PHF14: variants seen among roughly 807,000 people sequenced by gnomAD.
PHF14 encodes the protein PHD finger protein 14.
Under a neutral mutation model 117.9 loss-of-function variants are expected in PHF14, and 55 were observed. The ratio of observed to expected loss-of-function variants is 0.47; its 90% confidence interval spans 0.38 to 0.58. The LOEUF is 0.58. Ranked by LOEUF, PHF14 falls within the 20% of genes least tolerant of loss-of-function variation. PHF14 has a pLI of 0.00. For missense variants in PHF14, 978 were observed against 1,122.2 expected, an observed-to-expected ratio of 0.87 and a Z score of 1.84; for synonymous variants, 409 against 368.6, an observed-to-expected ratio of 1.11 and a Z score of -1.26.
intron 4 of PHF14, among the ~76,000 whole-genome samples, chr7:10,997,075 A>T (rs1782679233): frequency 6.6e-6 from 1 of 152,202 alleles, no homozygotes; most frequent in African/African-American, 2.4e-5. Context: ...TGCCTCAAGA[A>T]TATTAGATAC....
intron 4 of PHF14, among the ~76,000 whole-genome samples, chr7:11,002,813 A>G (rs113964954): frequency 0.016 from 2,375 of 152,228 alleles, 48 homozygotes; most frequent in African/African-American, 0.055. Context: ...GCAAAAATGA[A>G]ATGCTGATGA....
At chr7:11,128,712 A>G (rs1180443678) in intron 17 of PHF14, among the ~76,000 whole-genome samples, 1 of 132,738 alleles carries the variant, frequency 7.5e-6, no homozygotes, top group Non-Finnish European at 1.6e-5. Flanking sequence ...CCCCGCCCCC[A>G]CTGCTTTCCT....
At chr7:11,073,701 G>A (rs868009575) in intron 16 of PHF14, among the ~76,000 whole-genome samples, 2 of 152,310 alleles carry the variant, frequency 1.3e-5, no homozygotes, top group East Asian at 1.9e-4. Flanking sequence ...TTTCCCTTCC[G>A]CACTGCACTA....
At chr7:11,157,914 A>G (rs201535136) in intron 17 of PHF14, among the ~76,000 whole-genome samples, 1 of 152,310 alleles carries the variant, frequency 6.6e-6, no homozygotes, top group East Asian at 1.9e-4. Context: ...GTACTTCTAA[A>G]TCATCTAACA....
chr7:11,034,631 A>T (rs1784250977), intron 7 of PHF14, among the ~76,000 whole-genome samples: 1 of 141,432 alleles, frequency 7.1e-6, no homozygotes, highest in South Asian at 2.2e-4. Context: ...TAATTACAAC[A>T]TCTCCCTCCT....
At chr7:11,012,613 T>C (rs1223799205) in intron 4 of PHF14, among the ~76,000 whole-genome samples, 1 of 152,234 alleles carries the variant, frequency 6.6e-6, no homozygotes, top group African/African-American at 2.4e-5. Flanking sequence ...TGACATGTCC[T>C]ACTCTAAAGT....
At chr7:11,162,884 A>G (rs539791521) in intron 17 of PHF14, among the ~76,000 whole-genome samples, 2 of 152,200 alleles carry the variant, frequency 1.3e-5, no homozygotes, top group South Asian at 2.1e-4. Flanking sequence ...CAAAGAAGTA[A>G]AAAGTTACAG....
At chr7:11,152,901 A>G (rs1390465512) in intron 17 of PHF14, among the ~76,000 whole-genome samples, 1 of 152,222 alleles carries the variant, frequency 6.6e-6, no homozygotes, top group African/African-American at 2.4e-5. Flanking sequence ...TTCAGGAATC[A>G]GAGGGAAGAG....
chr7:11,117,228 G>A (rs1469422309), intron 17 of PHF14, among the ~76,000 whole-genome samples: 1 of 151,862 alleles, frequency 6.6e-6, no homozygotes, highest in Non-Finnish European at 1.5e-5. Flanking sequence ...GCTATGTTTT[G>A]TGAGAAGCCA....
At chr7:11,033,073 A>G (rs951453695) in intron 7 of PHF14, among the ~76,000 whole-genome samples, 1 of 152,224 alleles carries the variant, frequency 6.6e-6, no homozygotes, top group Non-Finnish European at 1.5e-5. Context: ...TGCTTATTTC[A>G]TGGTAGATAT....
chr7:10,992,804 C>T (rs750525419), intron 4 of PHF14, among the ~76,000 whole-genome samples: 1 of 152,174 alleles, frequency 6.6e-6, no homozygotes, highest in African/African-American at 2.4e-5. Flanking sequence ...CCAACAATGT[C>T]ATTTCTAACA....
intron 17 of PHF14, among the ~76,000 whole-genome samples, chr7:11,127,121 T>A (rs559403678): frequency 8.5e-5 from 13 of 152,156 alleles, no homozygotes; most frequent in East Asian, 1.9e-4. Flanking sequence ...GTCTTTTTTT[T>A]AAATATCAAA....
intron 17 of PHF14, among the ~76,000 whole-genome samples, chr7:11,120,463 C>A (rs576711755): frequency 2.7e-4 from 41 of 152,102 alleles, no homozygotes; most frequent in Non-Finnish European, 4.9e-4. Flanking sequence ...TCACACACAT[C>A]AAATGAAAAT....
rs111784427 is a variant in PHF14 at position 11,006,985 on chromosome 7, G to A, written c.1046-6762G>A. 7.0e-3 allele frequency: 2,650 copies of A among 378,846 alleles called. 51 individuals are homozygous for A. The highest frequency in any genetic ancestry group is 0.052 in the African/African-American group (2,495 of 47,860). The allele number at this position is 378,846 out of a possible 1,614,324, so 23.5% of individuals were successfully genotyped here. On this transcript the variant is annotated intron_variant, in intron 4 of 17. Coordinates refer to ENST00000634607, the MANE Select transcript of PHF14 (RefSeq NM_001007157.2). ...AAGTCAGGAGTTTGATACCAGCCTGGTTAATGTGGTGAAACTCCCTTCTCT... is the reference window on the plus strand; with the variant it reads ...AAGTCAGGAGTTTGATACCAGCCTGATTAATGTGGTGAAACTCCCTTCTCT...
At chr7:11,072,508 A>G (rs1210722176) in intron 16 of PHF14, among the ~76,000 whole-genome samples, 1 of 152,164 alleles carries the variant, frequency 6.6e-6, no homozygotes, top group East Asian at 1.9e-4. Flanking sequence ...TTTTACCTTC[A>G]TTATCTATAA....
intron 4 of PHF14, among the ~76,000 whole-genome samples, chr7:11,008,334 G>C (rs1439354602): frequency 6.6e-6 from 1 of 152,112 alleles, no homozygotes; most frequent in African/African-American, 2.4e-5. Context: ...CTTCTTTTGT[G>C]CTTTAGGACA....
At chr7:11,153,419 G>C (rs73286523) in intron 17 of PHF14, among the ~76,000 whole-genome samples, 16,165 of 152,034 alleles carry the variant, frequency 0.11, 1,148 homozygotes, top group African/African-American at 0.2. Context: ...TTTAGGGTTG[G>C]GAATCAAGAA....
intron 4 of PHF14, among the ~76,000 whole-genome samples, chr7:10,992,893 TTC>T (rs1278307914): frequency 6.6e-6 from 1 of 152,242 alleles, no homozygotes; most frequent in Non-Finnish European, 1.5e-5. Context: ...GTCCTTGAGT[TTC>T]TGTCTCATAG....
intron 17 of PHF14, among the ~76,000 whole-genome samples, chr7:11,139,346 T>G (rs1788337339): frequency 1.3e-5 from 2 of 152,200 alleles, no homozygotes; most frequent in Admixed American, 6.5e-5. Context: ...CTCACCTGTT[T>G]CTTCTGCTAT....
Sources: allele counts gnomAD v4.1 joint callset (sites outside exome capture counted in the v4.1 genomes callset), GRCh38; gene constraint gnomAD v4.1.1; transcripts MANE v1.5; gene names NCBI Gene and HGNC (gene_info 2026-07-23, HGNC 2026-07-21).